HSPA8: variants seen among roughly 807,000 people sequenced by gnomAD.
The protein encoded by HSPA8 is heat shock protein family A (Hsp70) member 8.
Under a neutral mutation model 52.8 loss-of-function variants are expected in HSPA8, and 2 were observed. That is an observed-to-expected ratio of 0.04 (90% CI 0.02 to 0.12). The LOEUF is 0.12. HSPA8 is among the 10% of genes least tolerant of loss of function. HSPA8 has a pLI of 1.00. For synonymous variants in HSPA8, 436 were observed against 274.0 expected (o/e 1.59, Z -5.84); for missense variants, 349 against 800.5 (o/e 0.44, Z 6.81).
intron 8 of HSPA8, 33 bp downstream of exon 8, chr11:123,058,219 G>T: frequency 2.4e-6 from 3 of 1,241,658 alleles, no homozygotes; most frequent in Non-Finnish European, 2.3e-6. Context: ...TCCATTGAGT[G>T]GGGGAGGAAA....
intron 3 of HSPA8, 95 bp from the exon 4 acceptor site, chr11:123,060,363 G>A: frequency 8.1e-7 from 1 of 1,231,022 alleles, no homozygotes; most frequent in Non-Finnish European, 1.2e-6. Flanking sequence ...AGAACAGCTG[G>A]AGCACCCCCC....
In HSPA8 at chr11:123,060,737, A is replaced by G; in HGVS notation, c.267T>C (p.His89=). The G allele has an allele frequency of 3.1e-6, 5 of 1,614,094 alleles. No individual in the cohort carries two copies. Among genetic ancestry groups the G allele is most frequent in the Non-Finnish European group, 4.2e-6 (5 of 1,180,024 alleles). Residue 89 remains histidine (H), a synonymous_variant, in exon 3 of 9, where the codon CAT becomes CAC. Transcript: ENST00000534624. ...DDAVVQSDMK[H]WPFMVVNDAG... Reference sequence around the variant, plus strand: ...CATCATTCACCACCATAAAGGGCCAATGTTTCATATCAGACTGGACAACAG... The same window carrying G: ...CATCATTCACCACCATAAAGGGCCAGTGTTTCATATCAGACTGGACAACAG...
At chr11:123,060,867 T>A in intron 2 of HSPA8, 69 bp from the exon 3 acceptor site, 1 of 1,383,126 alleles carries the variant, frequency 7.2e-7, no homozygotes, top group Non-Finnish European at 1.0e-6. Context: ...AGTCCATGAT[T>A]ACTCAAATAC....
In HSPA8 at chr11:123,059,915, G is replaced by C; in HGVS notation, c.678C>G (p.Thr226=). The C allele has an allele frequency of 6.2e-7, 1 of 1,613,648 alleles. No individual in the cohort carries two copies. Residue 226 remains threonine (T), a synonymous_variant, in exon 5 of 9, where the codon ACC becomes ACG. Transcript: ENST00000534624. ...IFEVKSTAGD[T]HLGGEDFDNR... is the part of the protein sequence containing the mutation. ...TGTCAAAATCTTCTCCACCCAAGTG[G>C]GTGTCTCCAGCTGTAGACTTGACCT...
chr11:123,059,708 G>C lies in HSPA8; in HGVS notation c.885C>G (p.Thr295=). The C allele has an allele frequency of 6.2e-7, 1 of 1,613,900 alleles. No homozygotes were observed. The highest frequency in any genetic ancestry group is 8.5e-7 in the Non-Finnish European group (1 of 1,179,880). Residue 295 remains threonine (T), a synonymous_variant, in exon 5 of 9, where the codon ACC becomes ACG. Coordinates refer to ENST00000534624, the MANE Select transcript of HSPA8 (RefSeq NM_006597.6). ...DSLYEGIDFY[T]SITRARFEEL... ...CTTCAAATCGGGCACGGGTAATGGAGGTATAGAAGTCGATTCCTTCATAGA... is the reference window on the plus strand; with the variant it reads ...CTTCAAATCGGGCACGGGTAATGGACGTATAGAAGTCGATTCCTTCATAGA...
At chr11:123,058,532 T>G (rs368780294) in intron 7 of HSPA8, 48 bp from the exon 8 acceptor site, 4 of 1,585,756 alleles carry the variant, frequency 2.5e-6, no homozygotes, top group South Asian at 1.1e-5. Context: ...TACCTGTGTA[T>G]GTGTAACTCT....
At position 123,059,726 on chromosome 11, in the gene HSPA8, T is replaced by C. The variant is rs1591437968; in HGVS notation, c.867A>G (p.Glu289=). 1.2e-6 allele frequency: 2 copies of C among 1,613,886 alleles called. No individual in the cohort carries two copies. Among genetic ancestry groups the C allele is most frequent in the Non-Finnish European group, 1.7e-6 (2 of 1,179,838 alleles). Residue 289 remains glutamate (E), a synonymous_variant, in exon 5 of 9, where the codon GAA becomes GAG. Coordinates refer to ENST00000534624, the MANE Select transcript of HSPA8 (RefSeq NM_006597.6). ...QASIEIDSLY[E]GIDFYTSITR... ...TAATGGAGGTATAGAAGTCGATTCC[T>C]TCATAGAGAGAATCGATCTCAATAC...
At chr11:123,060,301 C>G (rs1315041481) in intron 3 of HSPA8, 33 bp from the exon 4 acceptor site, 4 of 1,601,402 alleles carry the variant, frequency 2.5e-6, no homozygotes, top group Non-Finnish European at 2.6e-6. Flanking sequence ...AGATTGGTAA[C>G]TATTATACTT....
Position 123,060,755 on chromosome 11 carries a change from G to C in HSPA8, c.249C>G (p.Val83=). 1 of 1,613,950 alleles carries C rather than the reference G, an allele frequency of 6.2e-7. No individual in the cohort carries two copies. The highest frequency in any genetic ancestry group is 8.5e-7 in the Non-Finnish European group (1 of 1,179,994). ...LIGRRFDDAV[V]QSDMKHWPFM... ...AGGGCCAATGTTTCATATCAGACTG[G>C]ACAACAGCATCATCAAATCTGCGTC... The change falls in exon 3 of 9, where the codon GTC becomes GTG. Residue 83 remains valine (V), a synonymous_variant. Transcript: ENST00000534624.
At position 123,059,050 on chromosome 11, in the gene HSPA8, G is replaced by A. The variant is rs1160347820; in HGVS notation, c.1323+9C>T. 4 of 1,610,190 alleles carry A rather than the reference G, an allele frequency of 2.5e-6. No homozygotes were observed. The highest frequency in any genetic ancestry group is 2.2e-5 in the East Asian group (1 of 44,860). ...CAGTAAGCCAAACAAGAGAAGTACA[G>A]AAACATACCTGAATAAGCACACCAG... On this transcript the variant is annotated intron_variant, in intron 6 of 8. Coordinates refer to ENST00000534624, the MANE Select transcript of HSPA8 (RefSeq NM_006597.6).
rs758341971 is a variant in HSPA8 at position 123,060,582 on chromosome 11, A to G, written c.411+11T>C. On this transcript the variant is annotated intron_variant, in intron 3 of 8. Transcript: ENST00000534624. ...TCCGGAATGCACCCCATACTGAAAA[A>G]CCAACCTCACCTTCCCAAGGTAGGC... 2 of 1,609,148 alleles carry G rather than the reference A, an allele frequency of 1.2e-6. No homozygotes were observed. The highest frequency in any genetic ancestry group is 2.2e-5 in the South Asian group (2 of 90,970).
At chr11:123,059,420 C>A in intron 5 of HSPA8, 53 bp downstream of exon 5, 2 of 1,481,430 alleles carry the variant, frequency 1.4e-6, no homozygotes, top group South Asian at 1.2e-5. Context: ...CTCATCACAG[C>A]GAGTCACCTT....
intron 3 of HSPA8, 148 bp from the exon 4 acceptor site, chr11:123,060,416 G>T: frequency 1.0e-6 from 1 of 958,768 alleles, no homozygotes; most frequent in Non-Finnish European, 1.6e-6. Context: ...AGATTCACTG[G>T]TTTCTGGTGT....
rs774366672 is a variant in HSPA8, at chr11:123,058,872, T to C, written c.1324-42A>G. 5 of 1,568,264 alleles carry C rather than the reference T, an allele frequency of 3.2e-6. No homozygotes were observed. In the Admixed American group the frequency reaches 8.4e-5, roughly 26 times the overall value. On this transcript the variant is annotated intron_variant, in intron 6 of 8. Coordinates refer to ENST00000534624, the MANE Select transcript of HSPA8 (RefSeq NM_006597.6). ...ACAAATTACTACAATGGACTCCAGG[T>C]CTGTGACAGTGCTAGGGTCCTGCTA... is the stretch of plus-strand genomic sequence containing the variant.
At position 123,058,269 on chromosome 11, in the gene HSPA8, A is replaced by G; in HGVS notation, c.1738T>C (p.Trp580Arg). The change falls in exon 8 of 9, where the codon TGG becomes CGG. Residue 580 changes from tryptophan (W) to arginine (R), a missense_variant. By Grantham distance (101) the Trp-to-Arg change is moderately radical (BLOSUM62 -3). Transcript: ENST00000534624. ...ACACAAACCTGATTCTTATCAAGCC[A>G]GTTGATAATTTCATTACACTTGTCC... ...ILDKCNEIIN[W>R]LDKNQTAEKE... The G allele has an allele frequency of 6.6e-7, 1 of 1,517,530 alleles. No homozygotes were observed. Among genetic ancestry groups the G allele is most frequent in the Non-Finnish European group, 9.1e-7 (1 of 1,093,480 alleles). 94.0% of individuals were successfully genotyped at this position (1,517,530 alleles called of 1,614,324 possible). A position where few individuals can be genotyped will look rare whatever the true frequency, so the allele number is the denominator to read the frequency against.
Position 123,061,111 on chromosome 11 carries a change from G to A in HSPA8, c.205+9C>T, listed in dbSNP as rs749956024. On this transcript the variant is annotated intron_variant, in intron 2 of 8. Transcript: ENST00000534624. ...ATATTTGTTCTGTCATTTAAAATTA[G>A]GAACTCACCAAAAACTGTGTTGGTG... 7 of 1,609,316 alleles carry A rather than the reference G, an allele frequency of 4.3e-6. No homozygotes were observed. Among genetic ancestry groups the A allele is most frequent in the Middle Eastern group, 1.7e-4 (1 of 6,046 alleles).
intron 3 of HSPA8, 67 bp from the exon 4 acceptor site, chr11:123,060,335 T>C: frequency 2.1e-6 from 3 of 1,436,712 alleles, no homozygotes; most frequent in Non-Finnish European, 2.9e-6. Context: ...CTCCAGCAAA[T>C]GGATTAATGC....
rs780873363 is a variant in HSPA8, at chr11:123,060,609, T to C, written c.395A>G (p.Glu132Gly). The C allele has an allele frequency of 6.2e-7, 1 of 1,613,618 alleles. No individual in the cohort carries two copies. Among genetic ancestry groups the C allele is most frequent in the South Asian group, 1.1e-5 (1 of 91,078 alleles). The change falls in exon 3 of 9, where the codon GAA becomes GGA. Residue 132 changes from glutamate (E) to glycine (G), a missense_variant. Glu to Gly is a moderately conservative substitution (Grantham distance 98, BLOSUM62 -2). Coordinates refer to ENST00000534624, the MANE Select transcript of HSPA8 (RefSeq NM_006597.6). ...CAACCTCACCTTCCCAAGGTAGGCTTCTGCAATTTCCTTCATCTTTGTCAG... is the reference window on the plus strand; with the variant it reads ...CAACCTCACCTTCCCAAGGTAGGCTCCTGCAATTTCCTTCATCTTTGTCAG... Reference protein sequence around the residue: ...MVLTKMKEIAEAYLGKTVTNA... With the variant: ...MVLTKMKEIAGAYLGKTVTNA...
rs1865355276 is a variant in HSPA8, at chr11:123,057,937, G to GA, written c.1756-19dup. 6.4e-7 allele frequency: 1 copy of GA among 1,560,448 alleles called. No homozygotes were observed. Among genetic ancestry groups the GA allele is most frequent in the Admixed American group, 1.9e-5 (1 of 51,632 alleles). ...TCAGCAGTCTGAGGAAGAGAAAAAG[G>GA]AATTACTGCAAGTTCTTTTAATGTT... On this transcript the variant is annotated intron_variant, in intron 8 of 8. Transcript: ENST00000534624.
Sources: allele counts gnomAD v4.1 joint callset, GRCh38; gene constraint gnomAD v4.1.1; transcripts MANE v1.5; gene names NCBI Gene and HGNC (gene_info 2026-07-23, HGNC 2026-07-21).